The following DPYD variants were observed in gnomAD, a reference collection of about 807,000 sequenced individuals.
DPYD encodes the protein dihydropyrimidine dehydrogenase [NADP(+)].
A neutral mutation model predicts 116.2 loss-of-function variants in DPYD; 109 were observed. That is an observed-to-expected ratio of 0.94 (90% CI 0.80 to 1.10). The LOEUF (loss-of-function observed/expected upper bound fraction) is 1.10. DPYD is among the 50% of genes least tolerant of loss of function. DPYD has a pLI of 0.00. For missense variants in DPYD, 1,302 were observed against 1,254.5 expected (o/e 1.04, Z -0.57); for synonymous variants, 440 against 432.0 (o/e 1.02, Z -0.23).
At chr1:97,262,098 A>G (rs1407902117) in intron 18 of DPYD, among the ~76,000 whole-genome samples, 1 of 151,966 alleles carries the variant, frequency 6.6e-6, no homozygotes, top group East Asian at 1.9e-4. Context: ...TGTTCTCTCT[A>G]GCATGAGTGG....
chr1:97,562,994 C>G (rs1452332210), intron 11 of DPYD, among the ~76,000 whole-genome samples: 1 of 152,286 alleles, frequency 6.6e-6, no homozygotes, highest in East Asian at 1.9e-4. Context: ...GCTGGGATTA[C>G]AGGCGTGAGC....
intron 11 of DPYD, among the ~76,000 whole-genome samples, chr1:97,567,109 C>A (rs910669937): frequency 6.6e-6 from 1 of 152,062 alleles, no homozygotes; most frequent in African/African-American, 2.4e-5. Context: ...TCTTAGCAGG[C>A]CATTTCTTGC....
At chr1:97,414,149 C>T (rs191452212) in intron 14 of DPYD, among the ~76,000 whole-genome samples, 3 of 152,170 alleles carry the variant, frequency 2.0e-5, no homozygotes, top group East Asian at 1.9e-4. Context: ...AAAACACACA[C>T]ACACATATTA....
At chr1:97,541,574 G>T (rs995294316) in intron 12 of DPYD, among the ~76,000 whole-genome samples, 6 of 151,942 alleles carry the variant, frequency 3.9e-5, no homozygotes, top group African/African-American at 1.4e-4. Context: ...TTTTTTAAAA[G>T]AAAAAGGAAA....
At chr1:97,186,688 A>C (rs923975482) in intron 20 of DPYD, among the ~76,000 whole-genome samples, 2 of 152,048 alleles carry the variant, frequency 1.3e-5, no homozygotes, top group African/African-American at 4.8e-5. Flanking sequence ...GTCTCTACTA[A>C]AAATACAAAA....
At chr1:97,194,630 G>C (rs562892244) in intron 19 of DPYD, among the ~76,000 whole-genome samples, 19 of 151,726 alleles carry the variant, frequency 1.3e-4, no homozygotes, top group Non-Finnish European at 2.1e-4. Flanking sequence ...TCTGCCTCTC[G>C]AGTAGCTGGG....
At chr1:97,835,280 G>A (rs979879461) in intron 2 of DPYD, among the ~76,000 whole-genome samples, 18 of 152,138 alleles carry the variant, frequency 1.2e-4, no homozygotes, top group Admixed American at 4.6e-4. Flanking sequence ...TAAAATGAAG[G>A]TATCAATGAA....
intron 13 of DPYD, among the ~76,000 whole-genome samples, chr1:97,482,411 T>A (rs1678373268): frequency 6.6e-6 from 1 of 152,226 alleles, no homozygotes; most frequent in Non-Finnish European, 1.5e-5. Context: ...AAGTATTGAC[T>A]GACATCATTA....
intron 1 of DPYD, among the ~76,000 whole-genome samples, chr1:97,903,671 C>A (rs1673473636): frequency 2.0e-5 from 3 of 151,876 alleles, no homozygotes; most frequent in African/African-American, 7.2e-5. Context: ...TCTTTTTTCA[C>A]ATTCAGGCCC....
intron 14 of DPYD, among the ~76,000 whole-genome samples, chr1:97,417,924 CCCTT>C (rs1674372928): frequency 6.6e-6 from 1 of 152,176 alleles, no homozygotes; most frequent in Non-Finnish European, 1.5e-5. Flanking sequence ...TAAACATACT[CCCTT>C]CAATCCATAA....
At chr1:97,102,463 C>CTATCTATCTATCTA (rs1650791376) in intron 20 of DPYD, among the ~76,000 whole-genome samples, 1 of 106,600 alleles carries the variant, frequency 9.4e-6, no homozygotes, top group African/African-American at 3.7e-5. Flanking sequence ...AATCTATTAT[C>CTATCTATCTATCTA]TATCTATCTA....
chr1:97,216,837 TC>T (rs1660436420), intron 19 of DPYD, among the ~76,000 whole-genome samples: 1 of 152,020 alleles, frequency 6.6e-6, no homozygotes, highest in Non-Finnish European at 1.5e-5. Flanking sequence ...GATGCAGATT[TC>T]CAATTGAGTA....
intron 14 of DPYD, among the ~76,000 whole-genome samples, chr1:97,423,683 G>C (rs904736126): frequency 2.0e-5 from 3 of 151,942 alleles, no homozygotes; most frequent in Non-Finnish European, 4.4e-5. Context: ...GTCTAAACTG[G>C]CCCACCAAAT....
chr1:97,537,435 A>G (rs924839449), intron 12 of DPYD, among the ~76,000 whole-genome samples: 10 of 152,228 alleles, frequency 6.6e-5, no homozygotes, highest in Non-Finnish European at 1.5e-4. Flanking sequence ...TCAGAAAGAT[A>G]ATTCCTTTAA....
At chr1:97,839,327 G>A (rs181658904) in intron 2 of DPYD, among the ~76,000 whole-genome samples, 1 of 152,210 alleles carries the variant, frequency 6.6e-6, no homozygotes, top group East Asian at 1.9e-4. Flanking sequence ...ATAATTTTCT[G>A]TCTCCAACCT....
chr1:97,639,619 C>T (rs1376173233), intron 8 of DPYD, among the ~76,000 whole-genome samples: 1 of 152,042 alleles, frequency 6.6e-6, no homozygotes, highest in Non-Finnish European at 1.5e-5. Context: ...ATCAAATAAT[C>T]AATGGTCTCA....
intron 20 of DPYD, among the ~76,000 whole-genome samples, chr1:97,132,008 A>T (rs1653379618): frequency 6.6e-6 from 1 of 152,204 alleles, no homozygotes; most frequent in African/African-American, 2.4e-5. Flanking sequence ...TGGCAGTCCC[A>T]ATTACTGAGC....
chr1:97,104,977 G>C (rs985470401), intron 20 of DPYD, among the ~76,000 whole-genome samples: 4 of 152,082 alleles, frequency 2.6e-5, no homozygotes, highest in Non-Finnish European at 4.4e-5. Context: ...GCCACAAAGA[G>C]GACCAGGAGG....
At chr1:97,864,414 T>C (rs1671270735) in intron 2 of DPYD, among the ~76,000 whole-genome samples, 3 of 151,926 alleles carry the variant, frequency 2.0e-5, no homozygotes. Context: ...GTGATTGTTT[T>C]CAGGCCTGAG....
Sources: gnomAD v4.1 joint callset for allele counts (sites outside exome capture counted in the v4.1 genomes callset) on GRCh38, gnomAD v4.1.1 for gene constraint, MANE v1.5 for transcripts, NCBI Gene and HGNC (gene_info 2026-07-23, HGNC 2026-07-21) for gene names.